The following ATXN1 variants were observed in gnomAD, a reference collection of about 807,000 sequenced individuals.
The protein encoded by ATXN1 is ataxin-1.
In ATXN1, 8 loss-of-function variants were observed where a neutral mutation model predicts 56.4. The observed-to-expected ratio is 0.14, with a 90% CI of 0.08 to 0.26. ATXN1 has a LOEUF of 0.26. Among genes scored for constraint, ATXN1 ranks in the 10% least tolerant of loss-of-function variants. The probability of loss-of-function intolerance (pLI) is 1.00; values close to 1 mark genes in which losing one functional copy is unlikely to be tolerated. For missense variants in ATXN1, 987 were observed against 1,106.5 expected, an observed-to-expected ratio of 0.89 and a Z score of 1.53; for synonymous variants, 514 against 494.6, an observed-to-expected ratio of 1.04 and a Z score of -0.52.
At chr6:16,427,961 T>A (rs1041132580) in intron 6 of ATXN1, among the ~76,000 whole-genome samples, 1 of 152,172 alleles carries the variant, frequency 6.6e-6, no homozygotes, top group African/African-American at 2.4e-5. Context: ...AGCTGCACTC[T>A]TTTATTATTG....
intron 2 of ATXN1, among the ~76,000 whole-genome samples, chr6:16,707,917 C>A (rs1420514338): frequency 6.6e-6 from 1 of 151,656 alleles, no homozygotes; most frequent in Admixed American, 6.6e-5. Context: ...CAAAACAAAA[C>A]AAAAAGTAAA....
chr6:16,358,669 G>A (rs1016877924), intron 6 of ATXN1, among the ~76,000 whole-genome samples: 1 of 152,200 alleles, frequency 6.6e-6, no homozygotes, highest in Admixed American at 6.5e-5. Context: ...TGGGATGGGA[G>A]CTCCGCGTGC....
chr6:16,615,598 C>T (rs1300421428), intron 3 of ATXN1: 8 of 149,272 alleles, frequency 5.4e-5, no homozygotes, highest in African/African-American at 2.5e-5. Context: ...ATTATCAAAG[C>T]GGCCAAAAAG....
At chr6:16,524,975 T>C (rs1761362998) in intron 4 of ATXN1, among the ~76,000 whole-genome samples, 1 of 152,096 alleles carries the variant, frequency 6.6e-6, no homozygotes, top group African/African-American at 2.4e-5. Flanking sequence ...TTGCTTGAAC[T>C]CGGGAGGCAG....
intron 4 of ATXN1, among the ~76,000 whole-genome samples, chr6:16,579,488 C>A (rs1191021709): frequency 5.4e-5 from 2 of 36,978 alleles, no homozygotes; most frequent in African/African-American, 1.0e-4. Flanking sequence ...AAGCCCCCCC[C>A]CCCCACCCGC....
intron 4 of ATXN1, among the ~76,000 whole-genome samples, chr6:16,581,746 T>C (rs1444724691): frequency 6.6e-6 from 1 of 152,040 alleles, no homozygotes; most frequent in Non-Finnish European, 1.5e-5. Context: ...CTGAGGTGAA[T>C]TATAGTGGGT....
chr6:16,348,575 G>A (rs927895945), intron 6 of ATXN1, among the ~76,000 whole-genome samples: 2 of 152,046 alleles, frequency 1.3e-5, no homozygotes, highest in African/African-American at 4.8e-5. Context: ...GGTGGTGAGT[G>A]CCTGTAATTC....
intron 2 of ATXN1, among the ~76,000 whole-genome samples, chr6:16,659,841 G>T (rs183806650): frequency 6.6e-6 from 1 of 152,108 alleles, no homozygotes; most frequent in African/African-American, 2.4e-5. Flanking sequence ...CAGCAAAATC[G>T]ATCTGGGAGA....
At chr6:16,625,973 C>T (rs143418496) in intron 3 of ATXN1, among the ~76,000 whole-genome samples, 2 of 152,198 alleles carry the variant, frequency 1.3e-5, no homozygotes, top group East Asian at 3.9e-4. Context: ...AGTGATTGTA[C>T]TAAGGTATAG....
At position 16,677,642 on chromosome 6, in the gene ATXN1, G is replaced by T. The variant is rs77891423; in HGVS notation, c.-614-19741C>A. 1.7e-3 allele frequency among the ~76,000 whole-genome samples: 263 copies of T among 152,200 alleles called. 5 individuals carry two copies. The East Asian group carries it at 0.043, about 25-fold the overall frequency. The stretch of plus-strand genomic sequence containing the variant: ...CAGAAAAAGCTGACACATTTGTGCC[G>T]TTGTCTGCTGAAGGTTAGTCTTCAT... On this transcript the variant is annotated intron_variant, in intron 2 of 7. Coordinates refer to ENST00000436367, the MANE Select transcript of ATXN1 (RefSeq NM_001128164.2).
intron 4 of ATXN1, among the ~76,000 whole-genome samples, chr6:16,538,120 A>G (rs1444267675): frequency 6.6e-6 from 1 of 152,224 alleles, no homozygotes. Flanking sequence ...AAATATGTCC[A>G]CTGAAAATAG....
At chr6:16,571,298 G>A (rs1762327043) in intron 4 of ATXN1, among the ~76,000 whole-genome samples, 1 of 152,024 alleles carries the variant, frequency 6.6e-6, no homozygotes, top group African/African-American at 2.4e-5. Context: ...TTTGAAATAT[G>A]TTCCCTATAA....
chr6:16,702,810 T>C (rs1759315759), intron 2 of ATXN1, among the ~76,000 whole-genome samples: 1 of 152,118 alleles, frequency 6.6e-6, no homozygotes, highest in Non-Finnish European at 1.5e-5. Context: ...AGAATGGCAA[T>C]CATTAAAAAG....
chr6:16,323,259 G>A (rs1013924662), intron 7 of ATXN1, among the ~76,000 whole-genome samples: 13 of 152,142 alleles, frequency 8.5e-5, no homozygotes, highest in Admixed American at 6.5e-5. Context: ...AGTGGCTCAC[G>A]CCTACAATCC....
chr6:16,318,232 G>A (rs568101885), intron 7 of ATXN1, among the ~76,000 whole-genome samples: 57 of 152,278 alleles, frequency 3.7e-4, no homozygotes, highest in African/African-American at 1.2e-3. Context: ...CACAAATTGC[G>A]AAGGGCATCT....
intron 6 of ATXN1, among the ~76,000 whole-genome samples, chr6:16,330,896 TAAAGACTGGGACGGA>T (rs1295196876): frequency 6.6e-6 from 1 of 152,134 alleles, no homozygotes; most frequent in Non-Finnish European, 1.5e-5. Context: ...GAGAGGCGCT[TAAAGACTGGGACGGA>T]AATGAAAAAT....
intron 2 of ATXN1, among the ~76,000 whole-genome samples, chr6:16,710,759 TG>T (rs1366112021): frequency 6.7e-6 from 1 of 148,396 alleles, no homozygotes; most frequent in Non-Finnish European, 1.5e-5. Flanking sequence ...AGCTGATTTT[TG>T]TATTTTTAGT....
At chr6:16,402,302 T>C (rs1406857962) in intron 6 of ATXN1, among the ~76,000 whole-genome samples, 1 of 145,420 alleles carries the variant, frequency 6.9e-6, no homozygotes, top group Non-Finnish European at 1.5e-5. Flanking sequence ...TAATGCTTGG[T>C]CATTAATTTC....
At chr6:16,553,555 G>C (rs1022225018) in intron 4 of ATXN1, among the ~76,000 whole-genome samples, 1 of 152,156 alleles carries the variant, frequency 6.6e-6, no homozygotes, top group Non-Finnish European at 1.5e-5. Flanking sequence ...TTTTTATCTT[G>C]TCTACCTTAG....
Sources: gnomAD v4.1 joint callset for allele counts (sites outside exome capture counted in the v4.1 genomes callset) on GRCh38, gnomAD v4.1.1 for gene constraint, MANE v1.5 for transcripts, NCBI Gene and HGNC (gene_info 2026-07-23, HGNC 2026-07-21) for gene names.